Variants in NELL2 observed in about 807,000 individuals in gnomAD.
NELL2 encodes the protein neural EGFL like 2.
In NELL2, 41 loss-of-function variants were observed where a neutral mutation model predicts 109.6. The observed-to-expected ratio is 0.37, with a 90% CI of 0.29 to 0.49. The LOEUF is 0.49. Among genes scored for constraint, NELL2 ranks in the 20% least tolerant of loss-of-function variants. The pLI is 0.98. For missense variants in NELL2, 900 were observed against 1,008.3 expected, an observed-to-expected ratio of 0.89 and a Z score of 1.45; for synonymous variants, 355 against 344.7, an observed-to-expected ratio of 1.03 and a Z score of -0.33.
At chr12:44,901,106 C>A (rs934011927) in intron 1 of NELL2, among the ~76,000 whole-genome samples, 23 of 152,014 alleles carry the variant, frequency 1.5e-4, no homozygotes, top group African/African-American at 5.1e-4. Context: ...TCAATGAATC[C>A]AGTAGCTGGT....
intron 9 of NELL2, among the ~76,000 whole-genome samples, chr12:44,756,257 T>G (rs1040321717): frequency 3.9e-5 from 6 of 152,120 alleles, no homozygotes; most frequent in African/African-American, 1.2e-4. Flanking sequence ...CTGCCCTATT[T>G]GCACCATCAG....
chr12:44,548,395 A>T (rs1942890643), intron 15 of NELL2, among the ~76,000 whole-genome samples: 1 of 152,086 alleles, frequency 6.6e-6, no homozygotes, highest in Non-Finnish European at 1.5e-5. Flanking sequence ...AAAAAAAAAC[A>T]TTAGCTGGGC....
intron 9 of NELL2, among the ~76,000 whole-genome samples, chr12:44,744,041 T>C (rs1329962244): frequency 6.6e-6 from 1 of 152,100 alleles, no homozygotes; most frequent in African/African-American, 2.4e-5. Context: ...ATTGACCACA[T>C]AGTTGGAAGT....
At position 44,793,759 on chromosome 12, in the gene NELL2, A is replaced by G. The variant is rs148573185; in HGVS notation, c.336-13737T>C. Among the ~76,000 whole-genome samples, 87 of 152,336 alleles carry G rather than the reference A, an allele frequency of 5.7e-4. No homozygotes were observed. In the East Asian group the frequency reaches 0.014, roughly 25 times the overall value. ...GTACCTGACACATGGTTAGTACTCA[A>G]TAACATTAGCTATCATTAATAGAAA... On this transcript the variant is annotated intron_variant, in intron 3 of 19. Coordinates refer to ENST00000429094, the MANE Select transcript of NELL2 (RefSeq NM_001145108.2).
intron 2 of NELL2, among the ~76,000 whole-genome samples, chr12:44,851,470 T>C (rs1174496306): frequency 6.6e-6 from 1 of 152,136 alleles, no homozygotes; most frequent in African/African-American, 2.4e-5. Context: ...TAACAAAATA[T>C]GCACAAATAA....
intron 19 of NELL2, among the ~76,000 whole-genome samples, chr12:44,514,065 TA>T (rs1259155018): frequency 1.3e-5 from 2 of 150,138 alleles, no homozygotes; most frequent in Non-Finnish European, 3.0e-5. Context: ...TACAAGGGAA[TA>T]AAAAAACAAA....
intron 1 of NELL2, among the ~76,000 whole-genome samples, chr12:44,911,205 G>A (rs1049270367): frequency 1.3e-5 from 2 of 151,920 alleles, no homozygotes; most frequent in Non-Finnish European, 2.9e-5. Context: ...GGGAGCAGGA[G>A]GAATTACAGG....
At chr12:44,852,292 T>C (rs998825455) in intron 2 of NELL2, among the ~76,000 whole-genome samples, 1 of 152,218 alleles carries the variant, frequency 6.6e-6, no homozygotes. Flanking sequence ...TTTCCTTACC[T>C]ACTTCTTCTA....
intron 15 of NELL2, among the ~76,000 whole-genome samples, chr12:44,541,268 A>AG (rs1371122628): frequency 5.6e-5 from 8 of 144,014 alleles, no homozygotes; most frequent in South Asian, 2.2e-4. Flanking sequence ...AAAAAAAAAG[A>AG]AAAAAAAAAG....
At chr12:44,697,261 G>T (rs1345968037) in intron 12 of NELL2, among the ~76,000 whole-genome samples, 1 of 152,170 alleles carries the variant, frequency 6.6e-6, no homozygotes, top group African/African-American at 2.4e-5. Flanking sequence ...GTTCAGGGTT[G>T]GTGATGGCTG....
intron 2 of NELL2, among the ~76,000 whole-genome samples, chr12:44,857,064 AAGAG>A (rs1422835641): frequency 1.3e-5 from 2 of 152,210 alleles, no homozygotes; most frequent in Non-Finnish European, 2.9e-5. Context: ...AGAGGATACT[AAGAG>A]AGCACATAAA....
At chr12:44,692,903 C>G (rs1043308958) in intron 12 of NELL2, among the ~76,000 whole-genome samples, 1 of 152,174 alleles carries the variant, frequency 6.6e-6, no homozygotes, top group African/African-American at 2.4e-5. Flanking sequence ...GAAATCTACT[C>G]CTGGTAAAGA....
chr12:44,598,843 T>C (rs1356303035), intron 15 of NELL2, among the ~76,000 whole-genome samples: 1 of 86,572 alleles, frequency 1.2e-5, no homozygotes, highest in East Asian at 4.7e-4. Context: ...AGTTTAAGAG[T>C]AAGAAAGAAA....
rs995830690 is a variant in NELL2, at chr12:44,638,120, C to G, written c.1445-27150G>C. On this transcript the variant is annotated intron_variant, in intron 13 of 19. Coordinates refer to ENST00000429094, the MANE Select transcript of NELL2 (RefSeq NM_001145108.2). The stretch of plus-strand genomic sequence containing the variant: ...TTTACAAAGCATTCATTTCCATGCA[C>G]GCCCTTAATTTGCAAACTCTATTCA... Among the ~76,000 whole-genome samples, 3 of 152,036 alleles carry G rather than the reference C, an allele frequency of 2.0e-5. No individual in the cohort carries two copies. The South Asian group carries it at 6.2e-4, about 32-fold the overall frequency.
chr12:44,625,032 A>ATT, intron 13 of NELL2, among the ~76,000 whole-genome samples: 1 of 141,324 alleles, frequency 7.1e-6, no homozygotes, highest in South Asian at 2.2e-4. Context: ...ATATATATAT[A>ATT]TTTCTGAACA....
intron 2 of NELL2, among the ~76,000 whole-genome samples, chr12:44,840,841 G>A (rs185043968): frequency 1.3e-5 from 2 of 152,194 alleles, no homozygotes; most frequent in East Asian, 1.9e-4. Flanking sequence ...TTTTCCTAAG[G>A]TAGAAATAGG....
At chr12:44,701,246 T>A (rs1234497350) in intron 12 of NELL2, among the ~76,000 whole-genome samples, 1 of 152,078 alleles carries the variant, frequency 6.6e-6, no homozygotes, top group Non-Finnish European at 1.5e-5. Context: ...AAAAGATATA[T>A]TAGAAGTCCT....
At chr12:44,886,403 A>C (rs1430489946) in intron 1 of NELL2, among the ~76,000 whole-genome samples, 2 of 151,968 alleles carry the variant, frequency 1.3e-5, no homozygotes, top group Non-Finnish European at 2.9e-5. Flanking sequence ...AAGTCAAGCA[A>C]TAAAATAGGA....
rs754869968 is a variant in NELL2 at position 44,816,134 on chromosome 12, T to C, written c.187A>G (p.Thr63Ala). Reference sequence around the variant, plus strand: ...GTGGATGCTTTTATGCTTCTGGGAGTATCTAAAAAAGAAACAAACATATAC... The same window carrying C: ...GTGGATGCTTTTATGCTTCTGGGAGCATCTAAAAAAGAAACAAACATATAC... ...NGTKAFLFQD[T>A]PRSIKASTAT... Residue 63 changes from threonine to alanine, a missense_variant and splice_region_variant, in exon 3 of 20, where the codon ACT (threonine) becomes GCT (alanine). Physicochemically the swap from Thr to Ala is moderately conservative, Grantham distance 58 (BLOSUM62 0). Coordinates refer to ENST00000429094, the MANE Select transcript of NELL2 (RefSeq NM_001145108.2). 6.3e-7 allele frequency: 1 copy of C among 1,584,682 alleles called. No individual in the cohort carries two copies. The highest frequency in any genetic ancestry group is 2.3e-5 in the East Asian group (1 of 44,076).
Sources: allele counts gnomAD v4.1 joint callset (sites outside exome capture counted in the v4.1 genomes callset), GRCh38; gene constraint gnomAD v4.1.1; transcripts MANE v1.5; gene names NCBI Gene and HGNC (gene_info 2026-07-23, HGNC 2026-07-21).